Variants in TMEM132D observed in about 807,000 individuals in gnomAD.
The protein encoded by TMEM132D is transmembrane protein 132D, also known as mature OL transmembrane protein.
Under a neutral mutation model 62.3 loss-of-function variants are expected in TMEM132D, and 21 were observed. That is an observed-to-expected ratio of 0.34 (90% CI 0.24 to 0.49). The LOEUF (loss-of-function observed/expected upper bound fraction) is 0.49. TMEM132D is among the 20% of genes least tolerant of loss of function. TMEM132D has a pLI of 0.99. For missense variants in TMEM132D, 1,346 were observed against 1,402.8 expected, an observed-to-expected ratio of 0.96 and a Z score of 0.65; for synonymous variants, 621 against 575.6, an observed-to-expected ratio of 1.08 and a Z score of -1.13.
chr12:129,203,894 G>A (rs1878773368), intron 5 of TMEM132D, among the ~76,000 whole-genome samples: 1 of 152,168 alleles, frequency 6.6e-6, no homozygotes, highest in Admixed American at 6.5e-5. Context: ...AAGAAATATG[G>A]GCATGAAAAC....
At chr12:129,675,334 G>A (rs535895679) in intron 2 of TMEM132D, among the ~76,000 whole-genome samples, 27 of 151,780 alleles carry the variant, frequency 1.8e-4, no homozygotes, top group African/African-American at 6.3e-4. Context: ...GAGAACACAT[G>A]GAGACAGATT....
At chr12:129,245,211 C>A (rs1006238979) in intron 4 of TMEM132D, among the ~76,000 whole-genome samples, 4 of 152,148 alleles carry the variant, frequency 2.6e-5, no homozygotes, top group African/African-American at 9.7e-5. Context: ...TCCACCTATC[C>A]AACCCTCCCT....
At chr12:129,155,051 T>A (rs987272) in intron 5 of TMEM132D, among the ~76,000 whole-genome samples, 93,389 of 152,178 alleles carry the variant, frequency 0.61, 29,160 homozygotes, top group Non-Finnish European at 0.67. Context: ...ATAGATGTGC[T>A]GTGCACAAAC....
intron 1 of TMEM132D, among the ~76,000 whole-genome samples, chr12:129,825,941 A>G (rs1303818027): frequency 6.6e-6 from 1 of 152,126 alleles, no homozygotes; most frequent in Non-Finnish European, 1.5e-5. Flanking sequence ...GCGCATGCCT[A>G]TAATTCCAGC....
chr12:129,225,591 C>G (rs975298718), intron 4 of TMEM132D, among the ~76,000 whole-genome samples: 4 of 152,206 alleles, frequency 2.6e-5, no homozygotes, highest in Non-Finnish European at 5.9e-5. Context: ...CAAGTAGTAT[C>G]TACCACAGAG....
intron 2 of TMEM132D, among the ~76,000 whole-genome samples, chr12:129,635,038 C>T (rs1238567059): frequency 6.6e-6 from 1 of 152,178 alleles, no homozygotes; most frequent in African/African-American, 2.4e-5. Context: ...CACTTCCCCA[C>T]AAAGTACCTA....
intron 1 of TMEM132D, among the ~76,000 whole-genome samples, chr12:129,896,349 T>C (rs1485785854): frequency 2.6e-5 from 4 of 152,184 alleles, no homozygotes; most frequent in Non-Finnish European, 5.9e-5. Context: ...GGTGTTCATC[T>C]GCACGAGAAA....
chr12:129,478,058 C>G (rs2895127), intron 3 of TMEM132D, among the ~76,000 whole-genome samples: 28,986 of 152,098 alleles, frequency 0.19, 3,232 homozygotes, highest in African/African-American at 0.29. Flanking sequence ...CATTACTGTA[C>G]TGAATACAGT....
At chr12:129,157,495 C>G (rs1877281735) in intron 5 of TMEM132D, among the ~76,000 whole-genome samples, 1 of 152,216 alleles carries the variant, frequency 6.6e-6, no homozygotes, top group African/African-American at 2.4e-5. Flanking sequence ...ACATTACTAT[C>G]TTAGTTACTA....
At chr12:129,295,278 G>C (rs1881544464) in intron 4 of TMEM132D, among the ~76,000 whole-genome samples, 2 of 152,074 alleles carry the variant, frequency 1.3e-5, no homozygotes, top group South Asian at 2.1e-4. Context: ...AACACTGCCG[G>C]CTACACACTA....
chr12:129,439,889 G>A (rs539949504), intron 3 of TMEM132D, among the ~76,000 whole-genome samples: 1 of 152,170 alleles, frequency 6.6e-6, no homozygotes, highest in South Asian at 2.1e-4. Flanking sequence ...TCCATGACAG[G>A]TGAGCGAAAG....
chr12:129,427,410 G>A (rs970955588), intron 3 of TMEM132D, among the ~76,000 whole-genome samples: 3 of 147,456 alleles, frequency 2.0e-5, no homozygotes, highest in African/African-American at 7.5e-5. Flanking sequence ...CTGTTGTGGG[G>A]TCGGGGGAGG....
rs188773000 is a variant in TMEM132D, at chr12:129,203,306, T to C, written c.1443+6214A>G. Among the ~76,000 whole-genome samples the C allele has an allele frequency of 1.5e-3, 221 of 152,374 alleles. 2 individuals are homozygous for C. Among genetic ancestry groups the C allele is most frequent in the Non-Finnish European group, 2.7e-3 (182 of 68,036 alleles). ...AGTCACTCTGAACCTGTTCAGATTCTGGGGGTTCCCTAATTTGTGAATCAT... is the reference window on the plus strand; with the variant it reads ...AGTCACTCTGAACCTGTTCAGATTCCGGGGGTTCCCTAATTTGTGAATCAT... On this transcript the variant is annotated intron_variant, in intron 5 of 8. Coordinates refer to ENST00000422113, the MANE Select transcript of TMEM132D (RefSeq NM_133448.3).
intron 5 of TMEM132D, among the ~76,000 whole-genome samples, chr12:129,090,155 G>C (rs1024206883): frequency 2.6e-5 from 4 of 152,168 alleles, no homozygotes; most frequent in African/African-American, 9.7e-5. Flanking sequence ...GTTAAGAGTG[G>C]GTGGTGCTTG....
intron 3 of TMEM132D, 130 bp downstream of exon 3, chr12:129,530,929 G>T: frequency 2.0e-6 from 2 of 978,306 alleles, no homozygotes; most frequent in Non-Finnish European, 2.9e-6. Flanking sequence ...TGGAGGCCCT[G>T]ATAGAATAGA....
intron 2 of TMEM132D, among the ~76,000 whole-genome samples, chr12:129,581,123 C>T (rs941970315): frequency 2.6e-5 from 4 of 152,272 alleles, no homozygotes; most frequent in African/African-American, 4.8e-5. Flanking sequence ...TTAGTTCCCT[C>T]GAGAGTTCTT....
chr12:129,227,424 G>T lies in TMEM132D; in HGVS notation c.1300-17761C>A, dbSNP rs148461262. Among the ~76,000 whole-genome samples the T allele has an allele frequency of 8.9e-3, 1,319 of 148,376 alleles. 23 individuals carry two copies. Among genetic ancestry groups the T allele is most frequent in the African/African-American group, 0.03 (1,208 of 40,772 alleles). On this transcript the variant is annotated intron_variant, in intron 4 of 8. Coordinates refer to ENST00000422113, the MANE Select transcript of TMEM132D (RefSeq NM_133448.3). The stretch of plus-strand genomic sequence containing the variant: ...GGAGAGGGGTTTGGATTAACCTTGG[G>T]CCCCCACATAATGGGTTGTACATCC...
At chr12:129,108,860 G>A (rs150692676) in intron 5 of TMEM132D, among the ~76,000 whole-genome samples, 11 of 152,278 alleles carry the variant, frequency 7.2e-5, no homozygotes, top group South Asian at 2.1e-4. Context: ...CCTCGCTTCC[G>A]TAAGTGACAT....
intron 4 of TMEM132D, among the ~76,000 whole-genome samples, chr12:129,227,697 C>A (rs951650222): frequency 1.3e-5 from 2 of 151,788 alleles, no homozygotes; most frequent in Non-Finnish European, 2.9e-5. Flanking sequence ...GTGCTGCACC[C>A]ATTAACTCAT....
Sources: gnomAD v4.1 joint callset for allele counts (sites outside exome capture counted in the v4.1 genomes callset) on GRCh38, gnomAD v4.1.1 for gene constraint, MANE v1.5 for transcripts, NCBI Gene and HGNC (gene_info 2026-07-23, HGNC 2026-07-21) for gene names.